Variants in AGMO observed in about 807,000 individuals in gnomAD.
The protein encoded by AGMO is glyceryl-ether monooxygenase.
Under a neutral mutation model 60.2 loss-of-function variants are expected in AGMO, and 75 were observed. That is an observed-to-expected ratio of 1.25 (90% confidence interval 1.03 to 1.51). The LOEUF (loss-of-function observed/expected upper bound fraction) is 1.51. Among genes scored for constraint, AGMO ranks in the 40% most tolerant of loss-of-function variants. The pLI is 0.00. For synonymous variants in AGMO, 261 were observed against 177.1 expected, an observed-to-expected ratio of 1.47 and a Z score of -3.76; for missense variants, 763 against 525.5, an observed-to-expected ratio of 1.45 and a Z score of -4.42.
chr7:15,376,446 T>C (rs1783454938), intron 10 of AGMO, among the ~76,000 whole-genome samples: 1 of 152,088 alleles, frequency 6.6e-6, no homozygotes, highest in East Asian at 1.9e-4. Flanking sequence ...TACAAAATTG[T>C]AGTGCCCATA....
intron 12 of AGMO, among the ~76,000 whole-genome samples, chr7:15,308,808 T>C (rs1274438489): frequency 6.6e-6 from 1 of 152,152 alleles, no homozygotes; most frequent in East Asian, 1.9e-4. Context: ...ACCAGTGTTT[T>C]TTACATATTG....
the AGMO span, among the ~76,000 whole-genome samples, chr7:15,170,505 T>G: frequency 6.6e-6 from 1 of 152,202 alleles, no homozygotes; most frequent in East Asian, 1.9e-4. Flanking sequence ...TGTATATGCA[T>G]GCATACATCT....
At chr7:15,457,142 G>A (rs1055987895) in intron 3 of AGMO, among the ~76,000 whole-genome samples, 3 of 152,172 alleles carry the variant, frequency 2.0e-5, no homozygotes, top group African/African-American at 7.2e-5. Context: ...TGAAGGTTTG[G>A]AATTTTTATT....
chr7:15,322,537 TATATATATAAATATATATAA>T (rs1563086218), intron 12 of AGMO, among the ~76,000 whole-genome samples: 1 of 46,452 alleles, frequency 2.2e-5, no homozygotes. Context: ...AATATATAAA[TATATATATAAATATATATAA>T]ATATATAAAT....
chr7:15,528,175 G>A (rs1483167694), intron 3 of AGMO, among the ~76,000 whole-genome samples: 1 of 152,040 alleles, frequency 6.6e-6, no homozygotes, highest in Admixed American at 6.6e-5. Flanking sequence ...TTTATTGAAG[G>A]CCCTGATGAT....
chr7:15,359,984 C>G (rs1230636692), intron 12 of AGMO, among the ~76,000 whole-genome samples: 1 of 152,080 alleles, frequency 6.6e-6, no homozygotes, highest in East Asian at 1.9e-4. Flanking sequence ...ACAGCCTGTG[C>G]TTTTATTATA....
chr7:15,443,197 A>T (rs1004384908), intron 3 of AGMO, among the ~76,000 whole-genome samples: 3 of 152,214 alleles, frequency 2.0e-5, no homozygotes, highest in Non-Finnish European at 4.4e-5. Context: ...CCGGGGGTCT[A>T]AATGAGCTGA....
the AGMO span, among the ~76,000 whole-genome samples, chr7:15,145,968 A>C: frequency 2.0e-5 from 3 of 152,282 alleles, no homozygotes; most frequent in East Asian, 5.8e-4. Flanking sequence ...TTGATTGTTA[A>C]AATGTTTACG....
chr7:15,245,141 T>C (rs757351752), intron 12 of AGMO, among the ~76,000 whole-genome samples: 1 of 152,204 alleles, frequency 6.6e-6, no homozygotes, highest in Non-Finnish European at 1.5e-5. Flanking sequence ...AGTACCCTAG[T>C]AGATTAGGGT....
chr7:15,219,955 T>C (rs181990671), intron 12 of AGMO, among the ~76,000 whole-genome samples: 2 of 152,260 alleles, frequency 1.3e-5, no homozygotes, highest in South Asian at 2.1e-4. Context: ...ATCTTTCCTG[T>C]TGTACAGCTC....
intron 3 of AGMO, among the ~76,000 whole-genome samples, chr7:15,493,733 C>G (rs1161007288): frequency 2.0e-5 from 3 of 152,096 alleles, no homozygotes; most frequent in Non-Finnish European, 4.4e-5. Context: ...CCCCTTTACC[C>G]CTGAATCCTT....
chr7:15,512,612 T>A (rs1320790984), intron 3 of AGMO, among the ~76,000 whole-genome samples: 10 of 152,200 alleles, frequency 6.6e-5, no homozygotes, highest in African/African-American at 2.2e-4. Flanking sequence ...TGCCTACATA[T>A]TTAGTTGAAT....
At chr7:15,128,418 T>A in the AGMO span, among the ~76,000 whole-genome samples, 6 of 152,160 alleles carry the variant, frequency 3.9e-5, no homozygotes, top group Non-Finnish European at 8.8e-5. Context: ...AATTTATTTT[T>A]TTATTAGTAG....
At chr7:15,396,426 T>C (rs1583506277) in intron 5 of AGMO, 1 of 152,400 alleles carries the variant, frequency 6.6e-6, no homozygotes, top group South Asian at 2.1e-4. Context: ...GTAACCTTGC[T>C]GGCTTGAGAA....
intron 6 of AGMO, among the ~76,000 whole-genome samples, chr7:15,393,630 C>T (rs1404757651): frequency 1.3e-5 from 2 of 152,130 alleles, no homozygotes; most frequent in Non-Finnish European, 2.9e-5. Flanking sequence ...GGGATTTTCT[C>T]GTCAGGGAAA....
intron 12 of AGMO, among the ~76,000 whole-genome samples, chr7:15,290,984 G>C (rs1337545346): frequency 6.6e-6 from 1 of 151,966 alleles, no homozygotes; most frequent in Non-Finnish European, 1.5e-5. Flanking sequence ...GCCAAATTTA[G>C]CTCCGTTTTT....
intron 12 of AGMO, among the ~76,000 whole-genome samples, chr7:15,286,518 A>G (rs546234479): frequency 6.4e-4 from 98 of 152,280 alleles, no homozygotes; most frequent in Non-Finnish European, 1.1e-3. Context: ...TAAAACCACA[A>G]TGAGATACCA....
intron 12 of AGMO, among the ~76,000 whole-genome samples, chr7:15,251,600 T>G (rs938521660): frequency 6.6e-6 from 1 of 152,192 alleles, no homozygotes; most frequent in Non-Finnish European, 1.5e-5. Flanking sequence ...ATTAGTAGGG[T>G]GACTTTTTGG....
chr7:15,220,513 C>T (rs1781887115), intron 12 of AGMO, among the ~76,000 whole-genome samples: 2 of 151,676 alleles, frequency 1.3e-5, no homozygotes, highest in South Asian at 2.1e-4. Context: ...CCATCATGCC[C>T]GGCCCTGACT....
Sources: gnomAD v4.1 joint callset for allele counts (sites outside exome capture counted in the v4.1 genomes callset) on GRCh38, gnomAD v4.1.1 for gene constraint, MANE v1.5 for transcripts, NCBI Gene and HGNC (gene_info 2026-07-23, HGNC 2026-07-21) for gene names.